The following TDP1 variants were observed in gnomAD, a reference collection of about 807,000 sequenced individuals.
TDP1 encodes the protein tyrosyl-DNA phosphodiesterase 1, also known as tyr-DNA phosphodiesterase 1.
Under a neutral mutation model 81.5 loss-of-function variants are expected in TDP1, and 64 were observed. That is an observed-to-expected ratio of 0.79 (90% CI 0.64 to 0.97). The LOEUF (loss-of-function observed/expected upper bound fraction) is 0.97. Among genes scored for constraint, TDP1 ranks in the 50% least tolerant of loss-of-function variants. The pLI, the probability that TDP1 is intolerant of heterozygous loss-of-function variation, is 0.00. For synonymous variants in TDP1, 256 were observed against 264.3 expected (o/e 0.97, Z 0.30); for missense variants, 723 against 743.8 (o/e 0.97, Z 0.33).
chr14:89,966,670 T>C (rs34533254), intron 4 of TDP1, among the ~76,000 whole-genome samples: 15,020 of 152,152 alleles, frequency 0.099, 1,924 homozygotes, highest in African/African-American at 0.3. Context: ...GACCCACAAG[T>C]AAGTGGTCCA....
chr14:89,977,957 C>G (rs1412619126), intron 7 of TDP1, among the ~76,000 whole-genome samples: 1 of 152,198 alleles, frequency 6.6e-6, no homozygotes, highest in African/African-American at 2.4e-5. Context: ...AGAGTTAATT[C>G]TTATGGCTCC....
chr14:89,959,227 G>C (rs915984443), intron 2 of TDP1, among the ~76,000 whole-genome samples: 1 of 152,196 alleles, frequency 6.6e-6, no homozygotes, highest in Non-Finnish European at 1.5e-5. Flanking sequence ...TGTGACTTCA[G>C]ATTTATGCTG....
chr14:89,957,663 C>G (rs1478060888), intron 2 of TDP1, among the ~76,000 whole-genome samples: 1 of 152,108 alleles, frequency 6.6e-6, no homozygotes, highest in East Asian at 1.9e-4. Flanking sequence ...AATGGAGTAC[C>G]CTTTTATATC....
intron 7 of TDP1, chr14:89,980,075 T>G: frequency 1.3e-6 from 1 of 759,546 alleles, no homozygotes; most frequent in Non-Finnish European, 1.6e-6. Context: ...CATACCTTTG[T>G]GCCAAAACAA....
Position 89,991,819 on chromosome 14 carries a change from C to T in TDP1, c.1367-98C>T, listed in dbSNP as rs933163379. The T allele has an allele frequency of 2.5e-5, 33 of 1,309,464 alleles. No homozygotes were observed. The African/African-American group carries it at 4.4e-4, about 17-fold the overall frequency. 81.1% of individuals were successfully genotyped at this position (1,309,464 alleles called of 1,614,324 possible). ...ATGAAGTAATAGAAGTAGTTTTTTT[C>T]CTGTTACCTTCTTGCTGTTTATTGT... On this transcript the variant is annotated intron_variant, in intron 12 of 16. Coordinates refer to ENST00000335725, the MANE Select transcript of TDP1 (RefSeq NM_018319.4).
At position 89,993,067 on chromosome 14, in the gene TDP1, A is replaced by T. The variant is rs35576461; in HGVS notation, c.1434-309A>T. 256 of 858,174 alleles carry T rather than the reference A, an allele frequency of 3.0e-4. 1 individual carries two copies. In the African/African-American group the frequency reaches 4.4e-3, roughly 15 times the overall value. 53.2% of individuals were successfully genotyped at this position (858,174 alleles called of 1,614,324 possible). A position where few individuals can be genotyped will look rare whatever the true frequency, so the allele number is the denominator to read the frequency against. ...AAGGAGCTCACAGTTCAGGCAGGAG[A>T]CATATACACACATGCTGTTAAAAGC... On this transcript the variant is annotated intron_variant, in intron 13 of 16. Coordinates refer to ENST00000335725, the MANE Select transcript of TDP1 (RefSeq NM_018319.4).
At position 89,965,975 on chromosome 14, in the gene TDP1, A is replaced by C. The variant is rs566341404; in HGVS notation, c.560-172A>C. On this transcript the variant is annotated intron_variant, in intron 3 of 16. Transcript: ENST00000335725. ...TGATAAATATTAAATACCATAGGGA[A>C]ATTTTTTTTGAATTTTATGAAACAT... The C allele has an allele frequency of 1.8e-5, 13 of 719,554 alleles. No homozygotes were observed. In the South Asian group the frequency reaches 6.9e-4, roughly 38 times the overall value. The allele number at this position is 719,554 out of a possible 1,614,324, so 44.6% of individuals were successfully genotyped here. A position where few individuals can be genotyped will look rare whatever the true frequency, so the allele number is the denominator to read the frequency against.
intron 5 of TDP1, among the ~76,000 whole-genome samples, chr14:89,970,065 A>G (rs1893431560): frequency 6.6e-6 from 1 of 150,766 alleles, no homozygotes; most frequent in South Asian, 2.1e-4. Flanking sequence ...TTTAGTAGAG[A>G]CGGGGTTTCA....
At chr14:90,010,900 ACAT>A (rs1369135376) in intron 14 of TDP1, among the ~76,000 whole-genome samples, 3 of 152,196 alleles carry the variant, frequency 2.0e-5, no homozygotes, top group Admixed American at 1.3e-4. Flanking sequence ...ACGGAGGTAA[ACAT>A]CAGCGTTCAG....
At position 89,970,901 on chromosome 14, in the gene TDP1, C is replaced by A. The variant is rs34409318; in HGVS notation, c.660-274C>A. ...GCACCCAGGCTGGAGTGCAGTGGCT[C>A]AATCTCGGCTCACTGCAACCTTCAC... On this transcript the variant is annotated intron_variant, in intron 5 of 16. Transcript: ENST00000335725. 3.9e-3 allele frequency: 1,215 copies of A among 312,824 alleles called. 13 individuals carry two copies. The highest frequency in any genetic ancestry group is 0.022 in the African/African-American group (994 of 44,284). 19.4% of individuals were successfully genotyped at this position (312,824 alleles called of 1,614,324 possible).
chr14:89,988,743 C>G (rs1444831657), intron 10 of TDP1, 162 bp from the exon 11 acceptor site: 1 of 984,018 alleles, frequency 1.0e-6, no homozygotes, highest in Non-Finnish European at 1.2e-6. Context: ...AAAAATTTCC[C>G]AAAGAAGAAG....
rs33926589 is a variant in TDP1, at chr14:89,985,391, CTT to C, written c.1131+184_1131+185del. On this transcript the variant is annotated intron_variant, in intron 10 of 16. Transcript: ENST00000335725. ...TACTGCTTTTTAATGTGTTTTGCCTCTTTTATAGCTGTAGGCTGTTAATGGCA... is the reference window on the plus strand; with the variant it reads ...TACTGCTTTTTAATGTGTTTTGCCTCTTATAGCTGTAGGCTGTTAATGGCA... Among the ~76,000 whole-genome samples, 3,918 of 152,198 alleles carry C rather than the reference CTT, an allele frequency of 0.026. 176 individuals are homozygous for C. The highest frequency in any genetic ancestry group is 0.086 in the African/African-American group (3,563 of 41,538).
At chr14:90,034,333 C>T (rs1219231309) in intron 16 of TDP1, among the ~76,000 whole-genome samples, 2 of 152,200 alleles carry the variant, frequency 1.3e-5, no homozygotes, top group African/African-American at 4.8e-5. Flanking sequence ...AACCACCATG[C>T]TCACAAACCC....
At chr14:89,976,537 T>TA (rs994725962) in intron 7 of TDP1, among the ~76,000 whole-genome samples, 1 of 122,136 alleles carries the variant, frequency 8.2e-6, no homozygotes, top group African/African-American at 4.3e-5. Flanking sequence ...CTTTTTTTTT[T>TA]TTTTTTTTTT....
chr14:89,971,221 G>C lies in TDP1; in HGVS notation c.706G>C (p.Ala236Pro), dbSNP rs1424350756. 3.1e-6 allele frequency: 5 copies of C among 1,614,102 alleles called. No homozygotes were observed. The highest frequency in any genetic ancestry group is 8.5e-7 in the Non-Finnish European group (1 of 1,179,990). The change falls in exon 6 of 17, where the codon GCT (alanine) becomes CCT (proline). Residue 236 changes from alanine (A) to proline (P), a missense_variant. Transcript: ENST00000335725. ...LVHGDKREAK[A>P]HLHAQAKPYE... ...GCATGGTGATAAGCGAGAGGCTAAG[G>C]CTCACCTCCATGCCCAGGCCAAGCC...
intron 14 of TDP1, among the ~76,000 whole-genome samples, chr14:90,001,331 T>C (rs1430862588): frequency 6.6e-6 from 1 of 152,234 alleles, no homozygotes; most frequent in Non-Finnish European, 1.5e-5. Context: ...ACTGAAAACA[T>C]TTTTCATAGA....
chr14:90,007,382 A>T (rs182388568), intron 14 of TDP1, among the ~76,000 whole-genome samples: 4 of 152,284 alleles, frequency 2.6e-5, no homozygotes, highest in Admixed American at 2.6e-4. Context: ...TGAGACCAGG[A>T]GTTCAAGACC....
At chr14:89,990,516 A>G (rs1896053548) in intron 12 of TDP1, among the ~76,000 whole-genome samples, 1 of 150,774 alleles carries the variant, frequency 6.6e-6, no homozygotes, top group Non-Finnish European at 1.5e-5. Flanking sequence ...TCTGCCAGGA[A>G]AATTTCGCTA....
intron 6 of TDP1, among the ~76,000 whole-genome samples, chr14:89,972,095 G>C (rs1036319709): frequency 4.6e-5 from 7 of 152,142 alleles, no homozygotes; most frequent in African/African-American, 1.7e-4. Flanking sequence ...AGAAAAGAAA[G>C]CTATGTTAGT....
Sources: gnomAD v4.1 joint callset for allele counts (sites outside exome capture counted in the v4.1 genomes callset) on GRCh38, gnomAD v4.1.1 for gene constraint, MANE v1.5 for transcripts, NCBI Gene and HGNC (gene_info 2026-07-23, HGNC 2026-07-21) for gene names.